ITGA9: variants seen among roughly 807,000 people sequenced by gnomAD.
ITGA9 encodes the protein integrin subunit alpha 9.
A neutral mutation model predicts 127.8 loss-of-function variants in ITGA9; 56 were observed. The observed-to-expected ratio is 0.44, with a 90% CI of 0.35 to 0.55. The LOEUF is 0.55. Ranked by LOEUF, ITGA9 falls within the 20% of genes least tolerant of loss-of-function variation. ITGA9 has a pLI of 0.00. For synonymous variants in ITGA9, 508 were observed against 514.5 expected (o/e 0.99, Z 0.17); for missense variants, 1,196 against 1,347.1 (o/e 0.89, Z 1.76).
Position 37,799,468 on chromosome 3 carries a change from G to T in ITGA9, c.2890-4355G>T, listed in dbSNP as rs1697211088. Among the ~76,000 whole-genome samples, 1 of 152,206 alleles carries T rather than the reference G, an allele frequency of 6.6e-6. No individual in the cohort carries two copies. Among genetic ancestry groups the T allele is most frequent in the African/African-American group, 2.4e-5 (1 of 41,432 alleles). ...CAAGGATGGAAGGGCATTTCAGGAG[G>T]CAAGAGCAGCCTGCAGAGAGGCTGG... On this transcript the variant is annotated intron_variant, in intron 26 of 27. Transcript: ENST00000264741. The surrounding 1 kb of genome is among the most constrained non-coding windows in gnomAD (Gnocchi z 4.0).
intron 4 of ITGA9, among the ~76,000 whole-genome samples, chr3:37,487,965 G>A (rs990414647): frequency 1.3e-5 from 2 of 152,170 alleles, no homozygotes; most frequent in Non-Finnish European, 2.9e-5. Flanking sequence ...GAGGGCAGAC[G>A]TGGGTCCTCA....
intron 16 of ITGA9, among the ~76,000 whole-genome samples, chr3:37,631,583 A>G (rs1488111116): frequency 6.6e-6 from 1 of 152,214 alleles, no homozygotes; most frequent in Non-Finnish European, 1.5e-5. Context: ...TAATAATAAG[A>G]GTCCAGTAAT....
intron 15 of ITGA9, among the ~76,000 whole-genome samples, chr3:37,616,119 T>C (rs1479836842): frequency 6.6e-6 from 1 of 152,236 alleles, no homozygotes; most frequent in Non-Finnish European, 1.5e-5. Context: ...TAAATTTCCC[T>C]CTACACACTG....
At chr3:37,750,400 G>T in intron 22 of ITGA9, 62 bp from the exon 23 acceptor site, 1 of 952,590 alleles carries the variant, frequency 1.0e-6, no homozygotes, top group East Asian at 2.4e-5. Flanking sequence ...TATATTGCAT[G>T]ACAGGAAATG....
intron 15 of ITGA9, among the ~76,000 whole-genome samples, chr3:37,550,198 T>C (rs1281738882): frequency 3.9e-5 from 6 of 152,186 alleles, no homozygotes; most frequent in Non-Finnish European, 7.3e-5. Flanking sequence ...ACCACTACAT[T>C]GTAACACCCC....
chr3:37,676,994 A>G (rs1252305125), intron 17 of ITGA9, among the ~76,000 whole-genome samples: 1 of 152,196 alleles, frequency 6.6e-6, no homozygotes, highest in African/African-American at 2.4e-5. Context: ...ATGTGGCTCA[A>G]TTGCTACCTG....
At chr3:37,570,215 G>A (rs751083886) in intron 15 of ITGA9, among the ~76,000 whole-genome samples, 1 of 152,254 alleles carries the variant, frequency 6.6e-6, no homozygotes, top group Non-Finnish European at 1.5e-5. Flanking sequence ...CACCTCTCAA[G>A]TGGTTGGCAG....
chr3:37,620,191 G>T (rs1272285378), intron 15 of ITGA9, among the ~76,000 whole-genome samples: 9 of 152,328 alleles, frequency 5.9e-5, no homozygotes, highest in Middle Eastern at 3.4e-3. Flanking sequence ...ATCATTTTAG[G>T]ATTCTGCCTG....
At chr3:37,777,004 G>A (rs759270791) in intron 23 of ITGA9, among the ~76,000 whole-genome samples, 3 of 152,164 alleles carry the variant, frequency 2.0e-5, no homozygotes, top group African/African-American at 4.8e-5. Context: ...CTCCATGACT[G>A]TTGGCCAGTG....
intron 15 of ITGA9, among the ~76,000 whole-genome samples, chr3:37,626,852 C>T (rs1005284877): frequency 8.5e-5 from 13 of 152,236 alleles, no homozygotes; most frequent in Admixed American, 3.9e-4. Context: ...AGAATAACAA[C>T]ATCATAACTG....
At chr3:37,698,766 G>A (rs1700915103) in intron 18 of ITGA9, among the ~76,000 whole-genome samples, 1 of 152,132 alleles carries the variant, frequency 6.6e-6, no homozygotes, top group Non-Finnish European at 1.5e-5. Flanking sequence ...GCTTTTCAAA[G>A]TGGTTCTGCC....
Position 37,779,981 on chromosome 3 carries a change from T to C in ITGA9, c.2747T>C (p.Ile916Thr), listed in dbSNP as rs529466228. 6.2e-7 allele frequency: 1 copy of C among 1,614,078 alleles called. No homozygotes were observed. Among genetic ancestry groups the C allele is most frequent in the East Asian group, 2.2e-5 (1 of 44,876 alleles). Residue 916 changes from isoleucine (I) to threonine (T), a missense_variant, in exon 25 of 28, where the codon ATA becomes ACA. Ile to Thr is a moderately conservative substitution (Grantham distance 89). Transcript: ENST00000264741. ...SALAKEESRT[I>T]DIYMLLNTEI... ...CTTGCTAAAGAAGAAAGTCGTACTA[T>C]AGACATTTACATGCTGCTGAACACA...
At chr3:37,510,835 C>T (rs1039678982) in intron 8 of ITGA9, among the ~76,000 whole-genome samples, 1 of 152,210 alleles carries the variant, frequency 6.6e-6, no homozygotes, top group Non-Finnish European at 1.5e-5. Context: ...CACTCACTCA[C>T]AGTCCTCTTG....
chr3:37,452,185 C>G lies in ITGA9; in HGVS notation c.-190C>G, dbSNP rs1698198631. 1 of 158,654 alleles carries G rather than the reference C, an allele frequency of 6.3e-6. No individual in the cohort carries two copies. Among genetic ancestry groups the G allele is most frequent in the South Asian group, 2.0e-4 (1 of 5,028 alleles). The allele number at this position is 158,654 out of a possible 1,614,324, so 9.8% of individuals were successfully genotyped here. A position where few individuals can be genotyped will look rare whatever the true frequency, so the allele number is the denominator to read the frequency against. On this transcript the variant is annotated 5_prime_UTR_variant, in exon 1 of 28. Coordinates refer to ENST00000264741, the MANE Select transcript of ITGA9 (RefSeq NM_002207.3). The surrounding 1 kb of genome is among the most constrained non-coding windows in gnomAD (Gnocchi z 7.3). ...AGGACGCCGCCGCTCGGGGCCGCCCCTGTGCTCGCCTTCAGCGCCCGCTCA... is the reference window on the plus strand; with the variant it reads ...AGGACGCCGCCGCTCGGGGCCGCCCGTGTGCTCGCCTTCAGCGCCCGCTCA...
chr3:37,618,598 G>A (rs6788904), intron 15 of ITGA9, among the ~76,000 whole-genome samples: 26,920 of 152,144 alleles, frequency 0.18, 2,757 homozygotes, highest in Admixed American at 0.31. Flanking sequence ...CTTGAGCTCC[G>A]GTAGGCTCCA....
At position 37,629,137 on chromosome 3, in the gene ITGA9, A is replaced by G. The variant is rs763534863; in HGVS notation, c.1690-50A>G. 2.5e-6 allele frequency: 4 copies of G among 1,607,360 alleles called. No individual in the cohort carries two copies. In the East Asian group the frequency reaches 8.9e-5, roughly 36 times the overall value. Reference sequence around the variant, plus strand: ...TTTGTAAACTGTGAAATGCTCTACGACTGTCAGCCAGGATTAGTAGTTAAT... The same window carrying G: ...TTTGTAAACTGTGAAATGCTCTACGGCTGTCAGCCAGGATTAGTAGTTAAT... On this transcript the variant is annotated intron_variant, in intron 15 of 27. Transcript: ENST00000264741. The surrounding 1 kb of genome is among the most constrained non-coding windows in gnomAD (Gnocchi z 4.5).
intron 13 of ITGA9, among the ~76,000 whole-genome samples, chr3:37,526,516 CCCTGGGGACCGGGAG>C (rs2125583798): frequency 6.6e-6 from 1 of 152,350 alleles, no homozygotes; most frequent in South Asian, 2.1e-4. Context: ...GTCCACAACA[CCCTGGGGACCGGGAG>C]CCTCCTGCCC....
chr3:37,819,150 C>A lies in ITGA9; in HGVS notation c.*161C>A. The stretch of plus-strand genomic sequence containing the variant: ...AGCCCAGGTGCCAGCCTGAGGCAGC[C>A]ACTTCGGCCAGGTCACACGACCGGG... On this transcript the variant is annotated 3_prime_UTR_variant, in exon 28 of 28. Transcript: ENST00000264741. 2 of 674,612 alleles carry A rather than the reference C, an allele frequency of 3.0e-6. No homozygotes were observed. Among genetic ancestry groups the A allele is most frequent in the Non-Finnish European group, 5.4e-6 (2 of 370,894 alleles). The allele number at this position is 674,612 out of a possible 1,614,324, so 41.8% of individuals were successfully genotyped here.
intron 3 of ITGA9, among the ~76,000 whole-genome samples, chr3:37,476,130 C>T (rs182222850): frequency 6.6e-6 from 1 of 152,268 alleles, no homozygotes; most frequent in East Asian, 1.9e-4. Context: ...TCCTGGCTGC[C>T]GTGATGAATG....
Sources: allele counts gnomAD v4.1 joint callset (sites outside exome capture counted in the v4.1 genomes callset), GRCh38; gene constraint gnomAD v4.1.1; non-coding constraint Gnocchi (gnomAD v3.1); transcripts MANE v1.5; gene names NCBI Gene and HGNC (gene_info 2026-07-23, HGNC 2026-07-21).